Variants in KIF13B observed in about 807,000 individuals in gnomAD.
KIF13B encodes the protein kinesin family member 13B.
Under a neutral mutation model 222.0 loss-of-function variants are expected in KIF13B, and 127 were observed. That is an observed-to-expected ratio of 0.57 (90% CI 0.50 to 0.66). The LOEUF is 0.66. Ranked by LOEUF, KIF13B falls within the 30% of genes least tolerant of loss-of-function variation. KIF13B has a pLI of 0.00. For synonymous variants in KIF13B, 976 were observed against 919.0 expected, an observed-to-expected ratio of 1.06 and a Z score of -1.12; for missense variants, 2,173 against 2,379.0, an observed-to-expected ratio of 0.91 and a Z score of 1.80.
At chr8:29,117,496 A>G (rs1809657338) in intron 30 of KIF13B, among the ~76,000 whole-genome samples, 1 of 152,170 alleles carries the variant, frequency 6.6e-6, no homozygotes, top group Admixed American at 6.5e-5. Context: ...TCCCGGAACC[A>G]CACACTGCCT....
At chr8:29,251,535 C>T (rs1359117782) in intron 1 of KIF13B, among the ~76,000 whole-genome samples, 1 of 151,874 alleles carries the variant, frequency 6.6e-6, no homozygotes, top group Non-Finnish European at 1.5e-5. Flanking sequence ...GTCTATGATT[C>T]CATTTATATG....
At chr8:29,159,501 T>C (rs1563749953) in intron 13 of KIF13B, among the ~76,000 whole-genome samples, 1 of 152,158 alleles carries the variant, frequency 6.6e-6, no homozygotes, top group African/African-American at 2.4e-5. Flanking sequence ...TAAGAAACCA[T>C]ACAGGTATCA....
intron 1 of KIF13B, 86 bp downstream of exon 1, chr8:29,262,894 G>C: frequency 1.8e-6 from 2 of 1,105,458 alleles, no homozygotes; most frequent in Non-Finnish European, 2.5e-6. Flanking sequence ...GGGCGGGGCC[G>C]CCGGACCCCC....
chr8:29,081,042 A>G (rs1253545100), intron 37 of KIF13B, among the ~76,000 whole-genome samples: 1 of 152,234 alleles, frequency 6.6e-6, no homozygotes. Context: ...TTCCCACTGC[A>G]GCAGACAGGG....
Position 29,116,999 on chromosome 8 carries a change from T to C in KIF13B, c.3669A>G (p.Ala1223=). The C allele has an allele frequency of 1.3e-6, 2 of 1,576,070 alleles. No individual in the cohort carries two copies. Among genetic ancestry groups the C allele is most frequent in the South Asian group, 2.3e-5 (2 of 88,050 alleles). ...IVKQHDGEVK[A]EASWDSAVHG... ...GCACCGCGGAGTCCCAGGAGGCTTC[T>C]GCTTTCACCTGGAGAGAAGACAGAG... Residue 1223 remains alanine, a synonymous_variant, in exon 31 of 40, where the codon GCA becomes GCG. Coordinates refer to ENST00000524189, the MANE Select transcript of KIF13B (RefSeq NM_015254.4).
intron 36 of KIF13B, among the ~76,000 whole-genome samples, chr8:29,097,465 T>G (rs1054465957): frequency 6.6e-6 from 1 of 152,176 alleles, no homozygotes; most frequent in Non-Finnish European, 1.5e-5. Flanking sequence ...TCCAGAGGAT[T>G]TGAACAAGGC....
At chr8:29,194,746 T>A (rs757699844) in intron 3 of KIF13B, among the ~76,000 whole-genome samples, 5 of 152,186 alleles carry the variant, frequency 3.3e-5, no homozygotes, top group Non-Finnish European at 7.4e-5. Flanking sequence ...TCGAATAACA[T>A]AGAAGCATAA....
At chr8:29,176,220 T>C in intron 9 of KIF13B, 41 bp from the exon 10 acceptor site, 2 of 1,172,296 alleles carry the variant, frequency 1.7e-6, no homozygotes, top group Non-Finnish European at 2.5e-6. Flanking sequence ...AAAAATGAAA[T>C]ATATCAAATG....
intron 26 of KIF13B, among the ~76,000 whole-genome samples, chr8:29,125,251 TAAC>T (rs1283598770): frequency 3.9e-5 from 6 of 152,110 alleles, no homozygotes; most frequent in African/African-American, 1.4e-4. Context: ...ATCAACAGAA[TAAC>T]AACCTACCAG....
chr8:29,087,628 C>T (rs534564181), intron 37 of KIF13B, among the ~76,000 whole-genome samples: 1 of 152,312 alleles, frequency 6.6e-6, no homozygotes, highest in Admixed American at 6.5e-5. Context: ...AAGCGCAGTT[C>T]CACGCTGCGT....
At chr8:29,257,699 AGCAGGCT>A (rs2117178873) in intron 1 of KIF13B, among the ~76,000 whole-genome samples, 1 of 152,296 alleles carries the variant, frequency 6.6e-6, no homozygotes, top group East Asian at 1.9e-4. Flanking sequence ...CCAACTCCAC[AGCAGGCT>A]GCAGCAGGAA....
chr8:29,157,392 C>CAA (rs371702237), intron 13 of KIF13B, among the ~76,000 whole-genome samples: 3,667 of 88,150 alleles, frequency 0.042, 85 homozygotes, highest in African/African-American at 0.051. Context: ...TCGTCTCTAC[C>CAA]AAAAAAAAAA....
chr8:29,102,746 C>T (rs985392491), intron 35 of KIF13B, among the ~76,000 whole-genome samples: 3 of 152,244 alleles, frequency 2.0e-5, no homozygotes, highest in Admixed American at 2.0e-4. Context: ...TGCTTGGCAT[C>T]TCCTCCCAGG....
intron 35 of KIF13B, among the ~76,000 whole-genome samples, chr8:29,103,914 G>T (rs963939900): frequency 6.6e-6 from 1 of 152,106 alleles, no homozygotes; most frequent in Non-Finnish European, 1.5e-5. Context: ...GATTTGTCTT[G>T]CTAATCCCCA....
chr8:29,223,762 G>C (rs1814877133), intron 2 of KIF13B, among the ~76,000 whole-genome samples: 1 of 152,140 alleles, frequency 6.6e-6, no homozygotes, highest in Admixed American at 6.5e-5. Flanking sequence ...CTTGATCTCG[G>C]CTCACTGCAA....
chr8:29,181,825 T>C (rs1319093959), intron 7 of KIF13B, 94 bp downstream of exon 7: 7 of 760,570 alleles, frequency 9.2e-6, no homozygotes, highest in African/African-American at 1.8e-5. Context: ...CTATTATATA[T>C]GCAATTTTTA....
chr8:29,225,223 A>C (rs1262511804), intron 2 of KIF13B, among the ~76,000 whole-genome samples: 5 of 152,210 alleles, frequency 3.3e-5, no homozygotes, highest in Non-Finnish European at 2.9e-5. Context: ...GAAGGCACAG[A>C]AGCTTTTTCC....
intron 35 of KIF13B, among the ~76,000 whole-genome samples, chr8:29,106,663 T>C (rs192591960): frequency 9.5e-4 from 130 of 136,794 alleles, no homozygotes; most frequent in African/African-American, 3.5e-3. Context: ...AAAAAAAGTC[T>C]AATTAATGCA....
chr8:29,216,312 C>T (rs1019832855), intron 2 of KIF13B, among the ~76,000 whole-genome samples: 5 of 152,140 alleles, frequency 3.3e-5, no homozygotes, highest in African/African-American at 9.7e-5. Flanking sequence ...AAGCCACGTA[C>T]TAGGCCGGGC....
Sources: allele counts gnomAD v4.1 joint callset (sites outside exome capture counted in the v4.1 genomes callset), GRCh38; gene constraint gnomAD v4.1.1; transcripts MANE v1.5; gene names NCBI Gene and HGNC (gene_info 2026-07-23, HGNC 2026-07-21).